The following DLGAP1 variants were observed in gnomAD, a reference collection of about 807,000 sequenced individuals.
DLGAP1 encodes the protein DLG associated protein 1, also known as disks large-associated protein 1.
In DLGAP1, 11 loss-of-function variants were observed where a neutral mutation model predicts 90.8. That is an observed-to-expected ratio of 0.12 (90% CI 0.08 to 0.20). The LOEUF is 0.20. Among genes scored for constraint, DLGAP1 ranks in the 10% least tolerant of loss-of-function variants. DLGAP1 has a pLI of 1.00. For synonymous variants in DLGAP1, 558 were observed against 540.7 expected (o/e 1.03, Z -0.44); for missense variants, 1,050 against 1,333.8 (o/e 0.79, Z 3.31).
intron 3 of DLGAP1, among the ~76,000 whole-genome samples, chr18:3,977,434 G>GTTTTTTTTTTTTTTTTTTT (rs58599574): frequency 6.3e-5 from 6 of 95,332 alleles, no homozygotes; most frequent in African/African-American, 2.5e-4. Context: ...TTTATTCTGT[G>GTTTTTTTTTTTTTTTTTTT]TTTTTTTTTT....
intron 2 of DLGAP1, among the ~76,000 whole-genome samples, chr18:4,132,300 C>T (rs2076329078): frequency 6.6e-6 from 1 of 152,148 alleles, no homozygotes; most frequent in African/African-American, 2.4e-5. Flanking sequence ...ATTGTATAAT[C>T]ACTAAGTACA....
chr18:4,070,326 A>T (rs2075428490), intron 2 of DLGAP1, among the ~76,000 whole-genome samples: 1 of 152,000 alleles, frequency 6.6e-6, no homozygotes, highest in Non-Finnish European at 1.5e-5. Context: ...ACAGCTAAAT[A>T]CTAGAGTTTT....
intron 1 of DLGAP1, among the ~76,000 whole-genome samples, chr18:4,413,963 C>A (rs973709337): frequency 1.3e-5 from 2 of 152,130 alleles, no homozygotes; most frequent in African/African-American, 4.8e-5. Flanking sequence ...TGAGGTGGCA[C>A]GAGGTCATCA....
At chr18:3,640,792 A>G (rs930029513) in intron 7 of DLGAP1, among the ~76,000 whole-genome samples, 5 of 152,374 alleles carry the variant, frequency 3.3e-5, no homozygotes, top group Middle Eastern at 3.4e-3. Flanking sequence ...TTCTCCGCCA[A>G]TATGACTACT....
In DLGAP1 at chr18:4,184,273, G is replaced by T. The variant is rs570576858; in HGVS notation, c.-266-32986C>A. Among the ~76,000 whole-genome samples the T allele has an allele frequency of 2.0e-5, 3 of 152,220 alleles. No homozygotes were observed. In the South Asian group the frequency reaches 6.2e-4, roughly 32 times the overall value. ...TGGCACTGGAACCAAAACCCCTTGG[G>T]ACGAAAAGCCATAGCCATCCTGACA... On this transcript the variant is annotated intron_variant, in intron 1 of 12. Transcript: ENST00000315677.
At chr18:3,953,510 G>C (rs1486389174) in intron 3 of DLGAP1, among the ~76,000 whole-genome samples, 1 of 152,134 alleles carries the variant, frequency 6.6e-6, no homozygotes, top group Admixed American at 6.5e-5. Flanking sequence ...TAAAAGACAT[G>C]ATTTCATTCT....
intron 2 of DLGAP1, among the ~76,000 whole-genome samples, chr18:4,054,419 T>A (rs1388624997): frequency 1.3e-5 from 2 of 152,250 alleles, no homozygotes; most frequent in Non-Finnish European, 2.9e-5. Context: ...AGAATCATTG[T>A]TCTGCATGGA....
chr18:3,523,633 G>T (rs979558738), intron 10 of DLGAP1, among the ~76,000 whole-genome samples: 1 of 151,692 alleles, frequency 6.6e-6, no homozygotes, highest in Non-Finnish European at 1.5e-5. Flanking sequence ...GGATCACGAG[G>T]TCAGGAGATC....
intron 3 of DLGAP1, among the ~76,000 whole-genome samples, chr18:3,962,757 G>A (rs896810679): frequency 3.9e-5 from 6 of 152,128 alleles, no homozygotes; most frequent in Middle Eastern, 3.2e-3. Flanking sequence ...GACTGACAGC[G>A]TGTATCTCCC....
intron 1 of DLGAP1, among the ~76,000 whole-genome samples, chr18:4,391,275 T>C (rs2082334667): frequency 6.6e-6 from 1 of 152,140 alleles, no homozygotes; most frequent in Non-Finnish European, 1.5e-5. Flanking sequence ...CACCCTTCCT[T>C]CATTTAATAA....
intron 1 of DLGAP1, among the ~76,000 whole-genome samples, chr18:4,181,108 A>T (rs2077200687): frequency 6.6e-6 from 1 of 152,222 alleles, no homozygotes; most frequent in Non-Finnish European, 1.5e-5. Flanking sequence ...ATTTACGTCT[A>T]GGATTTTTCA....
At position 3,732,416 on chromosome 18, in the gene DLGAP1, T is replaced by C. The variant is rs183915297; in HGVS notation, c.1351-3041A>G. Among the ~76,000 whole-genome samples the C allele has an allele frequency of 9.2e-5, 14 of 152,380 alleles. No homozygotes were observed. In the East Asian group the frequency reaches 2.7e-3, roughly 29 times the overall value. On this transcript the variant is annotated intron_variant, in intron 6 of 12. Transcript: ENST00000315677. ...CTATAATTACTTTTATAACTACTAG[T>C]TGGAATATTCTCTTTCACATTACTT...
chr18:4,199,888 T>A (rs1166628106), intron 1 of DLGAP1, among the ~76,000 whole-genome samples: 1 of 152,206 alleles, frequency 6.6e-6, no homozygotes, highest in East Asian at 1.9e-4. Context: ...ATAGTTTGGC[T>A]CCCCAGATAA....
intron 1 of DLGAP1, among the ~76,000 whole-genome samples, chr18:4,303,332 TAGGC>T (rs989605756): frequency 6.6e-6 from 1 of 152,014 alleles, no homozygotes; most frequent in African/African-American, 2.4e-5. Flanking sequence ...AAAAAAAATG[TAGGC>T]AGAACATCAC....
chr18:4,308,222 C>T (rs1009326391), intron 1 of DLGAP1, among the ~76,000 whole-genome samples: 3 of 152,180 alleles, frequency 2.0e-5, no homozygotes, highest in South Asian at 2.1e-4. Context: ...TGCCCTACAG[C>T]GCAAGTTTCT....
At chr18:3,533,642 A>T (rs993033075) in intron 10 of DLGAP1, among the ~76,000 whole-genome samples, 1 of 152,118 alleles carries the variant, frequency 6.6e-6, no homozygotes, top group Admixed American at 6.6e-5. Context: ...TGGTGTGATC[A>T]TAGCTCACTG....
At chr18:3,959,669 A>AAAGAAAGAAAGAAAGAAAGAAAT (rs1555714889) in intron 3 of DLGAP1, among the ~76,000 whole-genome samples, 1 of 149,206 alleles carries the variant, frequency 6.7e-6, no homozygotes, top group Admixed American at 6.7e-5. Context: ...GTCTCAAAAA[A>AAAGAAAGAAAGAAAGAAAGAAAT]AAAGAAAGAA....
chr18:3,911,653 G>C (rs1438725855), intron 3 of DLGAP1, among the ~76,000 whole-genome samples: 2 of 152,214 alleles, frequency 1.3e-5, no homozygotes, highest in East Asian at 3.8e-4. Flanking sequence ...CAATCCTACA[G>C]AAAAGCAATC....
chr18:3,864,684 T>G (rs1173568656), intron 4 of DLGAP1, among the ~76,000 whole-genome samples: 1 of 152,176 alleles, frequency 6.6e-6, no homozygotes, highest in Non-Finnish European at 1.5e-5. Flanking sequence ...TCTGATAGAC[T>G]TCCGAAGTCT....
Sources: allele counts gnomAD v4.1 joint callset (sites outside exome capture counted in the v4.1 genomes callset), GRCh38; gene constraint gnomAD v4.1.1; transcripts MANE v1.5; gene names NCBI Gene and HGNC (gene_info 2026-07-23, HGNC 2026-07-21).